The following NRIP1 variants were observed in gnomAD, a reference collection of about 807,000 sequenced individuals.
NRIP1 encodes nuclear receptor interacting protein 1, also known as nuclear receptor-interacting protein 1.
In NRIP1, 28 loss-of-function variants were observed where a neutral mutation model predicts 75.0. The ratio of observed to expected loss-of-function variants is 0.37; its 90% confidence interval spans 0.28 to 0.51. The LOEUF is 0.51. NRIP1 is among the 20% of genes least tolerant of loss of function. NRIP1 has a pLI of 0.92. For missense variants in NRIP1, 1,435 were observed against 1,343.7 expected, an observed-to-expected ratio of 1.07 and a Z score of -1.06; for synonymous variants, 526 against 487.6, an observed-to-expected ratio of 1.08 and a Z score of -1.04.
At position 15,045,946 on chromosome 21, in the gene NRIP1, T is replaced by A. The variant is rs138318078; in HGVS notation, c.-537-2372A>T. On this transcript the variant is annotated intron_variant, in intron 1 of 3. Coordinates refer to ENST00000318948, the MANE Select transcript of NRIP1 (RefSeq NM_003489.4). ...AGATTATACAAATTCAGTCACATCT[T>A]CAGGCTCCACTTCTAATTCTAGTTT... 2.0e-4 allele frequency among the ~76,000 whole-genome samples: 31 copies of A among 152,346 alleles called. 1 individual carries two copies. The highest frequency in any genetic ancestry group is 7.2e-4 in the African/African-American group (30 of 41,588).
Position 15,040,699 on chromosome 21 carries a change from T to C in NRIP1, c.-458+2796A>G, listed in dbSNP as rs945645664. Among the ~76,000 whole-genome samples, 9 of 152,242 alleles carry C rather than the reference T, an allele frequency of 5.9e-5. No homozygotes were observed. The South Asian group carries it at 1.0e-3, about 18-fold the overall frequency. On this transcript the variant is annotated intron_variant, in intron 2 of 3. Coordinates refer to ENST00000318948, the MANE Select transcript of NRIP1 (RefSeq NM_003489.4). ...CATAAGTACATAGAGGAGGATATTG[T>C]GTCCTAGTTTCATTCACTAGGGTTA... is the stretch of plus-strand genomic sequence containing the variant.
intron 2 of NRIP1, among the ~76,000 whole-genome samples, chr21:15,030,887 A>G (rs2088639313): frequency 6.6e-6 from 1 of 150,768 alleles, no homozygotes; most frequent in Non-Finnish European, 1.5e-5. Context: ...ACACTCTGGA[A>G]GGCGCTCGGA....
intron 3 of NRIP1, among the ~76,000 whole-genome samples, chr21:14,984,765 G>T (rs1454656562): frequency 2.0e-5 from 3 of 152,152 alleles, no homozygotes; most frequent in Non-Finnish European, 4.4e-5. Context: ...TCATTACAGA[G>T]ACCCCAACCT....
chr21:14,989,400 T>A (rs1377003358), intron 3 of NRIP1, among the ~76,000 whole-genome samples: 1 of 152,164 alleles, frequency 6.6e-6, no homozygotes, highest in South Asian at 2.1e-4. Context: ...ATAAACCAAC[T>A]GCCTCCCTTG....
intron 2 of NRIP1, among the ~76,000 whole-genome samples, chr21:15,026,726 G>A (rs2088530085): frequency 6.6e-6 from 1 of 152,068 alleles, no homozygotes; most frequent in Admixed American, 6.6e-5. Context: ...CCATCCAAAT[G>A]TCCACACAGA....
At chr21:15,046,941 C>T (rs2089092953) in intron 1 of NRIP1, among the ~76,000 whole-genome samples, 1 of 152,162 alleles carries the variant, frequency 6.6e-6, no homozygotes, top group Non-Finnish European at 1.5e-5. Flanking sequence ...GAGTGAGGCG[C>T]TGCTCTGGAT....
chr21:15,013,713 C>T (rs1173850581), intron 3 of NRIP1, among the ~76,000 whole-genome samples: 2 of 152,158 alleles, frequency 1.3e-5, no homozygotes, highest in East Asian at 1.9e-4. Flanking sequence ...TGCTCATCGT[C>T]TTTTTTGTTG....
At chr21:15,019,470 C>CTTTTTTTTTTTTTTTTTTT (rs539278321) in intron 2 of NRIP1, among the ~76,000 whole-genome samples, 1 of 38,696 alleles carries the variant, frequency 2.6e-5, no homozygotes, top group East Asian at 9.2e-4. Flanking sequence ...AACTGCATTT[C>CTTTTTTTTTTTTTTTTTTT]TTTTTTTTTT....
chr21:14,990,256 T>A (rs1037014738), intron 3 of NRIP1, among the ~76,000 whole-genome samples: 2 of 152,182 alleles, frequency 1.3e-5, no homozygotes, highest in Non-Finnish European at 2.9e-5. Context: ...TCTCCATCTT[T>A]TATTTCTCAA....
rs966376363 is a variant in NRIP1 at position 14,961,632 on chromosome 21, C to T, written c.*3084G>A. 1 of 152,428 alleles carries T rather than the reference C, an allele frequency of 6.6e-6. No individual in the cohort carries two copies. Among genetic ancestry groups the T allele is most frequent in the Non-Finnish European group, 1.5e-5 (1 of 67,926 alleles). The allele number at this position is 152,428 out of a possible 1,614,324, so 9.4% of individuals were successfully genotyped here. On this transcript the variant is annotated 3_prime_UTR_variant, in exon 4 of 4. Coordinates refer to ENST00000318948, the MANE Select transcript of NRIP1 (RefSeq NM_003489.4). The stretch of plus-strand genomic sequence containing the variant: ...TCTTTCACAAAGCTTAAACCACAGA[C>T]GTCATGTCCAGAAATGGAATACTGT...
intron 2 of NRIP1, among the ~76,000 whole-genome samples, chr21:15,034,953 G>A (rs981582408): frequency 5.9e-5 from 9 of 152,022 alleles, no homozygotes; most frequent in African/African-American, 2.2e-4. Flanking sequence ...TCTTTCTATA[G>A]CATTACACTG....
At chr21:14,972,001 G>T (rs907964386) in intron 3 of NRIP1, among the ~76,000 whole-genome samples, 3 of 152,252 alleles carry the variant, frequency 2.0e-5, no homozygotes, top group Non-Finnish European at 4.4e-5. Context: ...TTTTCTTATG[G>T]AGACCTGTTT....
intron 1 of NRIP1, among the ~76,000 whole-genome samples, chr21:15,048,900 GATACTAA>G (rs1403684849): frequency 1.3e-5 from 2 of 152,106 alleles, no homozygotes; most frequent in South Asian, 2.1e-4. Flanking sequence ...TTCATTAGGG[GATACTAA>G]ATGCTTAATG....
chr21:15,039,281 G>C, intron 2 of NRIP1, among the ~76,000 whole-genome samples: 1 of 152,010 alleles, frequency 6.6e-6, no homozygotes, highest in East Asian at 1.9e-4. Flanking sequence ...TGGGGGTAGG[G>C]CTATAAAACA....
Position 14,997,609 on chromosome 21 carries a change from G to A in NRIP1, c.-335+16735C>T, listed in dbSNP as rs1405620002. ...AGCAGGATAAAAAAATACGTCAGTA[G>A]AAGACATGGTAATCTTACACGTAGA... On this transcript the variant is annotated intron_variant, in intron 3 of 3. Coordinates refer to ENST00000318948, the MANE Select transcript of NRIP1 (RefSeq NM_003489.4). Among the ~76,000 whole-genome samples the A allele has an allele frequency of 2.6e-5, 4 of 151,488 alleles. No individual in the cohort carries two copies. In the East Asian group the frequency reaches 7.7e-4, roughly 29 times the overall value.
At chr21:14,988,450 TAGATAGAC>T (rs1448587255) in intron 3 of NRIP1, among the ~76,000 whole-genome samples, 9 of 146,576 alleles carry the variant, frequency 6.1e-5, no homozygotes, top group East Asian at 2.0e-4. Flanking sequence ...GATAGATAGA[TAGATAGAC>T]AGACAGATAG....
intron 3 of NRIP1, among the ~76,000 whole-genome samples, chr21:15,001,752 G>A (rs918543627): frequency 6.6e-6 from 1 of 151,968 alleles, no homozygotes; most frequent in African/African-American, 2.4e-5. Context: ...TTTGCACCAT[G>A]TTATATAGGA....
At chr21:14,982,639 G>A (rs996359884) in intron 3 of NRIP1, among the ~76,000 whole-genome samples, 7 of 151,284 alleles carry the variant, frequency 4.6e-5, no homozygotes, top group African/African-American at 1.7e-4. Context: ...TTACAAAACT[G>A]TACGGTCACA....
chr21:15,024,516 T>C lies in NRIP1; in HGVS notation c.-457-10050A>G, dbSNP rs570656867. Among the ~76,000 whole-genome samples, 6 of 152,062 alleles carry C rather than the reference T, an allele frequency of 3.9e-5. No homozygotes were observed. In the South Asian group the frequency reaches 1.0e-3, roughly 26 times the overall value. Reference sequence around the variant, plus strand: ...GAGAACGCATCACTGCACTCCAGCCTGGGCGACACTCTGTCTCATATACAC... The same window carrying C: ...GAGAACGCATCACTGCACTCCAGCCCGGGCGACACTCTGTCTCATATACAC... On this transcript the variant is annotated intron_variant, in intron 2 of 3. Transcript: ENST00000318948.
Sources: gnomAD v4.1 joint callset for allele counts (sites outside exome capture counted in the v4.1 genomes callset) on GRCh38, gnomAD v4.1.1 for gene constraint, MANE v1.5 for transcripts, NCBI Gene and HGNC (gene_info 2026-07-23, HGNC 2026-07-21) for gene names.